Variants in PTP4A2 observed in about 807,000 individuals in gnomAD.
PTP4A2 encodes the protein protein tyrosine phosphatase type IVA 2.
In PTP4A2, 2 loss-of-function variants were observed where a neutral mutation model predicts 22.9. That is an observed-to-expected ratio of 0.09 (90% CI 0.04 to 0.27). The LOEUF is 0.27. PTP4A2 is among the 10% of genes least tolerant of loss of function. The pLI is 1.00. For missense variants in PTP4A2, 103 were observed against 205.1 expected (o/e 0.50, Z 3.04); for synonymous variants, 68 against 69.1 (o/e 0.98, Z 0.08).
At chr1:31,936,288 A>C (rs1272467841) in intron 1 of PTP4A2, among the ~76,000 whole-genome samples, 2 of 151,942 alleles carry the variant, frequency 1.3e-5, no homozygotes, top group Non-Finnish European at 2.9e-5. Flanking sequence ...AAAATATGAA[A>C]ATTAGCCGGG....
intron 1 of PTP4A2, among the ~76,000 whole-genome samples, chr1:31,934,205 C>T (rs1652843711): frequency 6.6e-6 from 1 of 152,078 alleles, no homozygotes; most frequent in Non-Finnish European, 1.5e-5. Flanking sequence ...CTGCAGTGAG[C>T]CAAGATTGCA....
Position 31,908,730 on chromosome 1 carries a change from T to G in PTP4A2, c.*122A>C, listed in dbSNP as rs1417461783. 25 of 639,776 alleles carry G rather than the reference T, an allele frequency of 3.9e-5. No homozygotes were observed. Among genetic ancestry groups the G allele is most frequent in the Non-Finnish European group, 6.7e-5 (24 of 359,694 alleles). 39.6% of individuals were successfully genotyped at this position (639,776 alleles called of 1,614,324 possible). ...TTTGTTCCAATCATTAGGAGAGTGG[T>G]TGAGGAGTACTGAATCCATCACTAC... On this transcript the variant is annotated 3_prime_UTR_variant, in exon 6 of 6. Coordinates refer to ENST00000647444, the MANE Select transcript of PTP4A2 (RefSeq NM_080391.4).
At chr1:31,914,143 T>C (rs373938210) in intron 3 of PTP4A2, 48 of 402,274 alleles carry the variant, frequency 1.2e-4, no homozygotes, top group African/African-American at 9.8e-4. Flanking sequence ...CATGGCTCAC[T>C]GCAGCCTTGA....
rs1471977036 is a variant in PTP4A2, at chr1:31,906,673, AC to A, written c.*2178del. Reference sequence around the variant, plus strand: ...TGCTTTATACATCCTTCTCCTCAATACAGAACCAGGAATGTAATTTTCCTAA... The same window carrying A: ...TGCTTTATACATCCTTCTCCTCAATAAGAACCAGGAATGTAATTTTCCTAA... On this transcript the variant is annotated 3_prime_UTR_variant, in exon 6 of 6. Coordinates refer to ENST00000647444, the MANE Select transcript of PTP4A2 (RefSeq NM_080391.4). 1 of 152,068 alleles carries A rather than the reference AC, an allele frequency of 6.6e-6. No individual in the cohort carries two copies. Among genetic ancestry groups the A allele is most frequent in the East Asian group, 1.9e-4 (1 of 5,188 alleles). 9.4% of individuals were successfully genotyped at this position (152,068 alleles called of 1,614,324 possible).
chr1:31,936,170 C>T (rs1652925243), intron 1 of PTP4A2, among the ~76,000 whole-genome samples: 1 of 151,948 alleles, frequency 6.6e-6, no homozygotes, highest in Admixed American at 6.6e-5. Flanking sequence ...AAAGGACCAC[C>T]CTCACGCCTG....
rs1197157844 is a variant in PTP4A2, at chr1:31,906,508, ATCTC to A, written c.*2340_*2343del. On this transcript the variant is annotated 3_prime_UTR_variant, in exon 6 of 6. Transcript: ENST00000647444. ...TGCACACCTTTCAAATCAATCTGAC[ATCTC>A]TCTATGTCAAACTGGCTTCAGCTAG... 6.6e-6 allele frequency: 1 copy of A among 152,178 alleles called. No homozygotes were observed. Among genetic ancestry groups the A allele is most frequent in the African/African-American group, 2.4e-5 (1 of 41,440 alleles). 9.4% of individuals were successfully genotyped at this position (152,178 alleles called of 1,614,324 possible).
intron 4 of PTP4A2, chr1:31,910,904 T>C (rs1032836983): frequency 6.6e-6 from 1 of 152,224 alleles, no homozygotes; most frequent in South Asian, 2.1e-4. Flanking sequence ...AGAAGTTCTA[T>C]CTTTTTAAAA....
intron 3 of PTP4A2, chr1:31,914,133 C>T: frequency 5.1e-6 from 2 of 394,708 alleles, no homozygotes; most frequent in Non-Finnish European, 1.0e-5. Context: ...GCAGCACAAT[C>T]ATGGCTCACT....
chr1:31,929,969 C>T (rs1652646295), intron 1 of PTP4A2, among the ~76,000 whole-genome samples: 2 of 152,176 alleles, frequency 1.3e-5, no homozygotes. Flanking sequence ...ATTTGAATCA[C>T]CTTTCAAAAT....
At chr1:31,922,755 G>A (rs558224284) in intron 1 of PTP4A2, among the ~76,000 whole-genome samples, 2 of 151,856 alleles carry the variant, frequency 1.3e-5, no homozygotes, top group Admixed American at 1.3e-4. Flanking sequence ...AGGCTCCTGA[G>A]GAGCTGGGAA....
At chr1:31,920,233 C>T (rs992106039) in intron 1 of PTP4A2, among the ~76,000 whole-genome samples, 27 of 149,646 alleles carry the variant, frequency 1.8e-4, no homozygotes, top group Middle Eastern at 3.6e-3. Context: ...CACCTGAGGT[C>T]GGGAGTTCAA....
chr1:31,922,995 A>C (rs372994706), intron 1 of PTP4A2, among the ~76,000 whole-genome samples: 1 of 150,906 alleles, frequency 6.6e-6, no homozygotes, highest in Admixed American at 6.6e-5. Context: ...TAAGTGGCAC[A>C]ATCTCAGCTC....
At chr1:31,935,131 G>T (rs993560655) in intron 1 of PTP4A2, among the ~76,000 whole-genome samples, 2 of 152,120 alleles carry the variant, frequency 1.3e-5, no homozygotes, top group African/African-American at 4.8e-5. Flanking sequence ...TGATACAGTG[G>T]TAAGTTCTAG....
At chr1:31,917,389 G>C (rs1004014499) in intron 2 of PTP4A2, among the ~76,000 whole-genome samples, 1 of 152,076 alleles carries the variant, frequency 6.6e-6, no homozygotes, top group African/African-American at 2.4e-5. Context: ...TCACAAAAAG[G>C]CCTTCTTATA....
At position 31,906,755 on chromosome 1, in the gene PTP4A2, TACACACACACACACACACAC is replaced by T. The variant is rs140739232; in HGVS notation, c.*2077_*2096del. 3.0e-5 allele frequency: 4 copies of T among 133,316 alleles called. No homozygotes were observed. The highest frequency in any genetic ancestry group is 3.7e-3 in the Middle Eastern group (1 of 270). 8.3% of individuals were successfully genotyped at this position (133,316 alleles called of 1,614,324 possible). A position where few individuals can be genotyped will look rare whatever the true frequency, so the allele number is the denominator to read the frequency against. ...GCGCGTGCACACACACACACACACA[TACACACACACACACACACAC>T]ACACACACACACCCCCTCCCCCCAA... On this transcript the variant is annotated 3_prime_UTR_variant, in exon 6 of 6. Coordinates refer to ENST00000647444, the MANE Select transcript of PTP4A2 (RefSeq NM_080391.4).
chr1:31,919,095 G>C lies in PTP4A2; in HGVS notation c.-30C>G, dbSNP rs767614232. On this transcript the variant is annotated 5_prime_UTR_variant, in exon 2 of 6. Transcript: ENST00000647444. ...GCAAATAAAAAGTGTGAGCGTGCGTGTGAGTGTGATGGGGAAAGTGAAAAA... is the reference window on the plus strand; with the variant it reads ...GCAAATAAAAAGTGTGAGCGTGCGTCTGAGTGTGATGGGGAAAGTGAAAAA... 2 of 1,142,772 alleles carry C rather than the reference G, an allele frequency of 1.8e-6. No homozygotes were observed. The highest frequency in any genetic ancestry group is 2.4e-5 in the East Asian group (1 of 42,418). The allele number at this position is 1,142,772 out of a possible 1,614,324, so 70.8% of individuals were successfully genotyped here.
Position 31,915,721 on chromosome 1 carries a change from G to A in PTP4A2, c.189+174C>T, listed in dbSNP as rs865998496. The A allele has an allele frequency of 3.4e-4, 179 of 527,762 alleles. 2 individuals are homozygous for A. In the Middle Eastern group the frequency reaches 5.8e-3, roughly 17 times the overall value. 32.7% of individuals were successfully genotyped at this position (527,762 alleles called of 1,614,324 possible). A position where few individuals can be genotyped will look rare whatever the true frequency, so the allele number is the denominator to read the frequency against. On this transcript the variant is annotated intron_variant, in intron 3 of 5. Transcript: ENST00000647444. Reference sequence around the variant, plus strand: ...TGCCCCACCAGTTTTTTAATTATCTGTACAGATGAGATCTCGCCACATTGC... The same window carrying A: ...TGCCCCACCAGTTTTTTAATTATCTATACAGATGAGATCTCGCCACATTGC...
At chr1:31,929,324 G>A (rs1652621532) in intron 1 of PTP4A2, among the ~76,000 whole-genome samples, 1 of 152,086 alleles carries the variant, frequency 6.6e-6, no homozygotes, top group African/African-American at 2.4e-5. Flanking sequence ...AATCCTAACA[G>A]CACAATCCTT....
In PTP4A2 at chr1:31,906,958, T is replaced by G. The variant is rs1476994861; in HGVS notation, c.*1894A>C. On this transcript the variant is annotated 3_prime_UTR_variant, in exon 6 of 6. Transcript: ENST00000647444. ...ATTGTTGCATTCTGAAATAAAGAAT[T>G]TTGGATATACCATTATGTTTTAAAG... 6.6e-6 allele frequency: 1 copy of G among 152,238 alleles called. No individual in the cohort carries two copies. The highest frequency in any genetic ancestry group is 2.4e-5 in the African/African-American group (1 of 41,460). The allele number at this position is 152,238 out of a possible 1,614,324, so 9.4% of individuals were successfully genotyped here.
Sources: allele counts gnomAD v4.1 joint callset (sites outside exome capture counted in the v4.1 genomes callset), GRCh38; gene constraint gnomAD v4.1.1; transcripts MANE v1.5; gene names NCBI Gene and HGNC (gene_info 2026-07-23, HGNC 2026-07-21).